Variants in MAST4 observed in about 807,000 individuals in gnomAD.
The protein encoded by MAST4 is microtubule associated serine/threonine kinase family member 4, also known as microtubule-associated serine/threonine-protein kinase 4.
MAST4 carries 89 observed loss-of-function variants against 162.7 expected under a neutral mutation model. The observed-to-expected ratio is 0.55, with a 90% CI of 0.46 to 0.65. The LOEUF (loss-of-function observed/expected upper bound fraction) is 0.65, where lower values mean the gene tolerates loss of function less well. Ranked by LOEUF, MAST4 falls within the 30% of genes least tolerant of loss-of-function variation. The probability of loss-of-function intolerance (pLI) is 0.00; values close to 1 mark genes in which losing one functional copy is unlikely to be tolerated. For synonymous variants in MAST4, 1,479 were observed against 1,361.1 expected (o/e 1.09, Z -1.91); for missense variants, 3,153 against 3,374.0 (o/e 0.93, Z 1.62).
At chr5:66,743,092 C>G (rs1472106317) in intron 1 of MAST4, among the ~76,000 whole-genome samples, 1 of 152,156 alleles carries the variant, frequency 6.6e-6, no homozygotes, top group African/African-American at 2.4e-5. Flanking sequence ...TCCTTTTGGT[C>G]TTTGTTCGAA....
intron 4 of MAST4, among the ~76,000 whole-genome samples, chr5:66,903,497 G>T (rs1280400953): frequency 1.3e-5 from 2 of 151,304 alleles, no homozygotes; most frequent in Non-Finnish European, 2.9e-5. Flanking sequence ...TCATAATGAA[G>T]ATTGCTCCAA....
chr5:66,908,528 C>T (rs13153154), intron 4 of MAST4, among the ~76,000 whole-genome samples: 18,352 of 151,942 alleles, frequency 0.12, 1,330 homozygotes, highest in Admixed American at 0.15. Flanking sequence ...CTTAGAGTTT[C>T]GGGGGGTGTG....
intron 1 of MAST4, among the ~76,000 whole-genome samples, chr5:66,606,989 T>A (rs1222117921): frequency 6.7e-6 from 1 of 150,306 alleles, no homozygotes; most frequent in Non-Finnish European, 1.5e-5. Context: ...GTGTATGAAT[T>A]TACTCATTTT....
chr5:67,088,830 AG>A (rs1763535215), intron 5 of MAST4, among the ~76,000 whole-genome samples: 1 of 152,266 alleles, frequency 6.6e-6, no homozygotes, highest in African/African-American at 2.4e-5. Context: ...TCTGTCTTAA[AG>A]TTAATGTCAT....
chr5:66,894,742 G>A (rs1304411455), intron 3 of MAST4, among the ~76,000 whole-genome samples: 6 of 152,182 alleles, frequency 3.9e-5, no homozygotes, highest in African/African-American at 1.4e-4. Flanking sequence ...GTTTCTATGT[G>A]GGGTTTGGGA....
At chr5:66,710,986 T>G (rs1303569121) in intron 1 of MAST4, among the ~76,000 whole-genome samples, 2 of 152,190 alleles carry the variant, frequency 1.3e-5, no homozygotes, top group Non-Finnish European at 2.9e-5. Context: ...TCCAGAAGCA[T>G]CCTCATCTCC....
At chr5:66,699,189 C>T (rs1749605868) in intron 1 of MAST4, among the ~76,000 whole-genome samples, 1 of 152,280 alleles carries the variant, frequency 6.6e-6, no homozygotes, top group Middle Eastern at 3.4e-3. Context: ...GTTCTCATCT[C>T]AGAGTCTTTG....
chr5:66,926,056 T>C (rs1452975321), intron 4 of MAST4, among the ~76,000 whole-genome samples: 1 of 152,000 alleles, frequency 6.6e-6, no homozygotes. Context: ...TTCTCATCCA[T>C]TTGGGCTTTT....
chr5:66,839,089 T>C (rs1215581708), intron 3 of MAST4, among the ~76,000 whole-genome samples: 120 of 152,066 alleles, frequency 7.9e-4, no homozygotes, highest in Non-Finnish European at 1.3e-4. Flanking sequence ...GAAAGGCAAC[T>C]GAAGGTAGAA....
chr5:67,132,721 C>T (rs1363409456), intron 16 of MAST4, among the ~76,000 whole-genome samples: 1 of 151,920 alleles, frequency 6.6e-6, no homozygotes, highest in African/African-American at 2.4e-5. Context: ...CCTCTAAAAG[C>T]ATTACATATT....
chr5:67,105,652 A>G (rs1474945258), intron 10 of MAST4, among the ~76,000 whole-genome samples: 1 of 152,240 alleles, frequency 6.6e-6, no homozygotes, highest in Non-Finnish European at 1.5e-5. Flanking sequence ...AGGAAAATGA[A>G]TTTTACAGGA....
At chr5:66,740,129 G>A (rs1028029650) in intron 1 of MAST4, among the ~76,000 whole-genome samples, 1 of 151,510 alleles carries the variant, frequency 6.6e-6, no homozygotes, top group Non-Finnish European at 1.5e-5. Context: ...CTCATCAGTT[G>A]TGCCCTGCAT....
At chr5:67,118,159 C>T (rs952990104) in intron 12 of MAST4, among the ~76,000 whole-genome samples, 1 of 152,172 alleles carries the variant, frequency 6.6e-6, no homozygotes, top group African/African-American at 2.4e-5. Context: ...CTTTTAATCT[C>T]CAAATCCCTC....
intron 3 of MAST4, chr5:66,792,378 G>A (rs191301732): frequency 1.8e-5 from 3 of 167,606 alleles, no homozygotes; most frequent in African/African-American, 7.2e-5. Context: ...TTTGTTCTTT[G>A]TGTTTATGTC....
intron 4 of MAST4, among the ~76,000 whole-genome samples, chr5:66,939,720 A>T (rs1049891290): frequency 6.6e-6 from 1 of 151,956 alleles, no homozygotes; most frequent in Non-Finnish European, 1.5e-5. Flanking sequence ...TGTATACAAG[A>T]TACCTCAGAG....
At chr5:66,739,725 C>T (rs1752374317) in intron 1 of MAST4, among the ~76,000 whole-genome samples, 1 of 152,074 alleles carries the variant, frequency 6.6e-6, no homozygotes, top group Admixed American at 6.6e-5. Context: ...CAGGCAGCGA[C>T]CTATTAAGGA....
At chr5:66,603,689 T>A (rs1742693348) in intron 1 of MAST4, among the ~76,000 whole-genome samples, 1 of 152,224 alleles carries the variant, frequency 6.6e-6, no homozygotes, top group African/African-American at 2.4e-5. Flanking sequence ...TGGAACAGTA[T>A]AAACATTTTG....
chr5:66,656,579 G>A (rs1239382618), intron 1 of MAST4, among the ~76,000 whole-genome samples: 1 of 152,052 alleles, frequency 6.6e-6, no homozygotes, highest in East Asian at 1.9e-4. Flanking sequence ...AAGACTGTGG[G>A]GGTGGGACTC....
intron 3 of MAST4, among the ~76,000 whole-genome samples, chr5:66,862,983 A>G (rs939584202): frequency 6.6e-6 from 1 of 152,194 alleles, no homozygotes. Context: ...TGGCTTTTCT[A>G]CTTTCCTAAT....
Sources: allele counts gnomAD v4.1 joint callset (sites outside exome capture counted in the v4.1 genomes callset), GRCh38; gene constraint gnomAD v4.1.1; transcripts MANE v1.5; gene names NCBI Gene and HGNC (gene_info 2026-07-23, HGNC 2026-07-21).